Variants in ATP2B2 observed in about 807,000 individuals in gnomAD.
ATP2B2 encodes plasma membrane calcium-transporting ATPase 2.
ATP2B2 carries 15 observed loss-of-function variants against 120.0 expected under a neutral mutation model. The ratio of observed to expected loss-of-function variants is 0.12; its 90% CI spans 0.08 to 0.19. ATP2B2 has a LOEUF of 0.19. ATP2B2 is among the 10% of genes least tolerant of loss of function. The pLI, the probability that ATP2B2 is intolerant of heterozygous loss-of-function variation, is 1.00. For synonymous variants in ATP2B2, 694 were observed against 700.3 expected, an observed-to-expected ratio of 0.99 and a Z score of 0.14; for missense variants, 1,045 against 1,719.8, an observed-to-expected ratio of 0.61 and a Z score of 6.94.
intron 2 of ATP2B2, among the ~76,000 whole-genome samples, chr3:10,547,854 G>A (rs2067585549): frequency 6.6e-6 from 1 of 152,236 alleles, no homozygotes; most frequent in South Asian, 2.1e-4. Context: ...GACATTTGCT[G>A]AACATGTTTC....
intron 21 of ATP2B2, among the ~76,000 whole-genome samples, chr3:10,339,248 G>A (rs1481159071): frequency 6.6e-6 from 1 of 152,224 alleles, no homozygotes; most frequent in Admixed American, 6.5e-5. Flanking sequence ...GTGCCCAGGG[G>A]TTTATCACTC....
chr3:10,488,114 C>T (rs142624183), intron 1 of ATP2B2, among the ~76,000 whole-genome samples: 1,838 of 151,868 alleles, frequency 0.012, 33 homozygotes, highest in African/African-American at 0.042. Flanking sequence ...TCCATCCATC[C>T]ATCCACCCAT....
intron 1 of ATP2B2, among the ~76,000 whole-genome samples, chr3:10,487,854 G>A (rs750001518): frequency 6.6e-6 from 1 of 152,156 alleles, no homozygotes; most frequent in Non-Finnish European, 1.5e-5. Context: ...GGCTCCCACT[G>A]CCTCTGAGTA....
At chr3:10,706,434 C>T (rs563872137) in intron 1 of ATP2B2, among the ~76,000 whole-genome samples, 2 of 152,302 alleles carry the variant, frequency 1.3e-5, no homozygotes, top group Non-Finnish European at 1.5e-5. Flanking sequence ...ATGGCAGCAG[C>T]AGGAAATCAC....
At chr3:10,640,252 G>T (rs2070136040) in intron 1 of ATP2B2, among the ~76,000 whole-genome samples, 1 of 152,170 alleles carries the variant, frequency 6.6e-6, no homozygotes. Context: ...TTGCTCTGAA[G>T]GTAGGGAATG....
In ATP2B2 at chr3:10,375,982, T is replaced by C. The variant is rs933214464; in HGVS notation, c.1202-338A>G. Among the ~76,000 whole-genome samples, 1 of 152,254 alleles carries C rather than the reference T, an allele frequency of 6.6e-6. No homozygotes were observed. The highest frequency in any genetic ancestry group is 1.5e-5 in the Non-Finnish European group (1 of 68,036). ...GCTCAAGAGATGTGTGCCGAGTGAC[T>C]GTGTGAATAAAGGAGGAATGGTTTG... On this transcript the variant is annotated intron_variant, in intron 10 of 22. Transcript: ENST00000360273. The surrounding 1 kb of genome is among the most constrained non-coding windows in gnomAD (Gnocchi z 4.2).
chr3:10,607,220 T>A (rs2069111653), intron 2 of ATP2B2, among the ~76,000 whole-genome samples: 1 of 152,074 alleles, frequency 6.6e-6, no homozygotes, highest in African/African-American at 2.4e-5. Flanking sequence ...GATCCACTTG[T>A]GTGAGGGTTG....
chr3:10,627,699 A>G (rs1479680562), intron 1 of ATP2B2, among the ~76,000 whole-genome samples: 1 of 152,038 alleles, frequency 6.6e-6, no homozygotes, highest in Non-Finnish European at 1.5e-5. Flanking sequence ...TTCATTACGA[A>G]TTTCTCCACT....
intron 1 of ATP2B2, among the ~76,000 whole-genome samples, chr3:10,489,229 C>T (rs1280412021): frequency 1.3e-5 from 2 of 152,186 alleles, no homozygotes; most frequent in Non-Finnish European, 2.9e-5. Context: ...CCTTCATCTG[C>T]TTTATTTTTC....
intron 3 of ATP2B2, among the ~76,000 whole-genome samples, chr3:10,511,735 T>C (rs4234497): frequency 0.62 from 94,215 of 152,046 alleles, 31,805 homozygotes; most frequent in African/African-American, 0.9. Context: ...GAGCCCCTAT[T>C]CCTAAATGGC....
At chr3:10,640,356 C>T (rs2070139450) in intron 1 of ATP2B2, among the ~76,000 whole-genome samples, 1 of 152,176 alleles carries the variant, frequency 6.6e-6, no homozygotes, top group Non-Finnish European at 1.5e-5. Flanking sequence ...GAAGACAGCA[C>T]AGCACCTCTC....
intron 5 of ATP2B2, among the ~76,000 whole-genome samples, chr3:10,398,244 C>T (rs116089550): frequency 2.0e-5 from 3 of 152,196 alleles, no homozygotes; most frequent in East Asian, 3.9e-4. Flanking sequence ...AGAACCAGCA[C>T]GAACCCACTG....
intron 1 of ATP2B2, among the ~76,000 whole-genome samples, chr3:10,490,651 A>G (rs1401020432): frequency 6.6e-6 from 1 of 150,782 alleles, no homozygotes; most frequent in Non-Finnish European, 1.5e-5. Context: ...TGCCCACCTC[A>G]GCATCCCAAA....
intron 1 of ATP2B2, among the ~76,000 whole-genome samples, chr3:10,639,293 ATTGTT>A (rs1231956082): frequency 6.6e-6 from 1 of 152,180 alleles, no homozygotes; most frequent in Non-Finnish European, 1.5e-5. Context: ...TGGGAAGAAT[ATTGTT>A]CATTCTGGCT....
chr3:10,486,332 T>TGTGTGC (rs1559398853), intron 1 of ATP2B2, among the ~76,000 whole-genome samples: 14 of 17,578 alleles, frequency 8.0e-4, no homozygotes, highest in Admixed American at 2.7e-3. Context: ...TGCGTGTGTG[T>TGTGTGC]GTGTGTGTGT....
chr3:10,652,092 A>G (rs1461316961), intron 1 of ATP2B2, among the ~76,000 whole-genome samples: 1 of 152,160 alleles, frequency 6.6e-6, no homozygotes, highest in Non-Finnish European at 1.5e-5. Context: ...AGACTATTCT[A>G]TTCCAGATAA....
intron 2 of ATP2B2, among the ~76,000 whole-genome samples, chr3:10,586,045 G>A (rs548972512): frequency 6.6e-6 from 1 of 152,302 alleles, no homozygotes; most frequent in Admixed American, 6.5e-5. Flanking sequence ...CAGCCTGTGT[G>A]TTCCATCCTA....
At chr3:10,395,605 T>G (rs2062011037) in intron 5 of ATP2B2, among the ~76,000 whole-genome samples, 1 of 152,236 alleles carries the variant, frequency 6.6e-6, no homozygotes, top group Admixed American at 6.5e-5. Context: ...GTGCCATCCT[T>G]GCAACTTTTC....
chr3:10,639,867 G>C (rs966752157), intron 1 of ATP2B2, among the ~76,000 whole-genome samples: 1 of 152,326 alleles, frequency 6.6e-6, no homozygotes. Context: ...TCGAGCTAAG[G>C]CTGGAGGGCA....
Sources: gnomAD v4.1 joint callset for allele counts (sites outside exome capture counted in the v4.1 genomes callset) on GRCh38, gnomAD v4.1.1 for gene constraint, Gnocchi (gnomAD v3.1) non-coding constraint, MANE v1.5 for transcripts, NCBI Gene and HGNC (gene_info 2026-07-23, HGNC 2026-07-21) for gene names.